Variants in DPP9 observed in about 807,000 individuals in gnomAD.
The protein encoded by DPP9 is dipeptidyl peptidase 9, also known as dipeptidyl peptidase IV-related protein-2.
A neutral mutation model predicts 110.7 loss-of-function variants in DPP9; 50 were observed. The observed-to-expected ratio is 0.45, with a 90% CI of 0.36 to 0.57. DPP9 has a LOEUF of 0.57. Ranked by LOEUF, DPP9 falls within the 20% of genes least tolerant of loss-of-function variation. The probability of loss-of-function intolerance (pLI) is 0.00; values close to 1 mark genes in which losing one functional copy is unlikely to be tolerated. For missense variants in DPP9, 1,022 were observed against 1,217.9 expected, an observed-to-expected ratio of 0.84 and a Z score of 2.39; for synonymous variants, 561 against 514.4, an observed-to-expected ratio of 1.09 and a Z score of -1.23.
chr19:4,699,052 G>T (rs1232983124), intron 10 of DPP9, among the ~76,000 whole-genome samples: 1 of 151,322 alleles, frequency 6.6e-6, no homozygotes, highest in Non-Finnish European at 1.5e-5. Context: ...CCAGCTACTC[G>T]GGAGGCTGAG....
In DPP9 at chr19:4,683,169, G is replaced by A. The variant is rs973301747; in HGVS notation, c.2331+308C>T. Reference sequence around the variant, plus strand: ...GCCGCCGGCCTGGGGCCCCCCCGCCGCTCTGCACACCATGCCCCACCTCTG... The same window carrying A: ...GCCGCCGGCCTGGGGCCCCCCCGCCACTCTGCACACCATGCCCCACCTCTG... On this transcript the variant is annotated intron_variant, in intron 19 of 21. Transcript: ENST00000262960. 1.9e-5 allele frequency: 27 copies of A among 1,441,426 alleles called. No individual in the cohort carries two copies. In the Admixed American group the frequency reaches 3.7e-4, roughly 19 times the overall value. The allele number at this position is 1,441,426 out of a possible 1,614,324, so 89.3% of individuals were successfully genotyped here.
intron 1 of DPP9, among the ~76,000 whole-genome samples, chr19:4,723,086 C>A (rs1180366235): frequency 6.6e-6 from 1 of 151,710 alleles, no homozygotes; most frequent in Non-Finnish European, 1.5e-5. Context: ...ACTACACCAC[C>A]AACGCCTCGG....
Position 4,685,692 on chromosome 19 carries a change from G to A in DPP9, c.1965C>T (p.Tyr655=). Residue 655 remains tyrosine, a synonymous_variant, in exon 17 of 22, where the codon TAC becomes TAT. Coordinates refer to ENST00000262960, the MANE Select transcript of DPP9 (RefSeq NM_139159.5). This position sits in a 1 kb window ranked among gnomAD's most constrained non-coding sequence, Gnocchi z 5.8. ...RSDVRLYGMI[Y]KPHALQPGKK... ...TCCCTGGCTGCAAGGCGTGGGGCTT[G>A]TAGATCATGCCGTAGAGCCGCACAT... 4 of 1,613,458 alleles carry A rather than the reference G, an allele frequency of 2.5e-6. No homozygotes were observed. Among genetic ancestry groups the A allele is most frequent in the Non-Finnish European group, 3.4e-6 (4 of 1,179,806 alleles).
chr19:4,723,788 C>T lies in DPP9; in HGVS notation c.-203G>A, dbSNP rs2093426713. 1 of 154,398 alleles carries T rather than the reference C, an allele frequency of 6.5e-6. No individual in the cohort carries two copies. Among genetic ancestry groups the T allele is most frequent in the African/African-American group, 2.4e-5 (1 of 41,618 alleles). 9.6% of individuals were successfully genotyped at this position (154,398 alleles called of 1,614,324 possible). On this transcript the variant is annotated 5_prime_UTR_variant, in exon 1 of 22. Transcript: ENST00000262960. ...CGGAAGTGGCGGGAGCGGGGGACGA[C>T]AGCCGCGGCGGACACAGGGGACCCG...
chr19:4,679,705 G>C (rs2089526082), intron 21 of DPP9, 130 bp downstream of exon 21: 1 of 686,942 alleles, frequency 1.5e-6, no homozygotes, highest in Non-Finnish European at 2.5e-6. Flanking sequence ...CTGTGGGGTG[G>C]GGGGCTGGGA....
At position 4,687,313 on chromosome 19, in the gene DPP9, G is replaced by A. The variant is rs945940124; in HGVS notation, c.1885+1444C>T. 3.9e-5 allele frequency among the ~76,000 whole-genome samples: 6 copies of A among 152,244 alleles called. No individual in the cohort carries two copies. Among genetic ancestry groups the A allele is most frequent in the African/African-American group, 1.4e-4 (6 of 41,472 alleles). Reference sequence around the variant, plus strand: ...TCTGGAAACCCACCAACATGGCAGAGACAGGGCCAGGGTGGGTTGTCCTTG... The same window carrying A: ...TCTGGAAACCCACCAACATGGCAGAAACAGGGCCAGGGTGGGTTGTCCTTG... On this transcript the variant is annotated intron_variant, in intron 16 of 21. Transcript: ENST00000262960. The surrounding 1 kb of genome is among the most constrained non-coding windows in gnomAD (Gnocchi z 4.7).
At chr19:4,712,935 A>C (rs2092902447) in intron 4 of DPP9, among the ~76,000 whole-genome samples, 1 of 152,184 alleles carries the variant, frequency 6.6e-6, no homozygotes, top group African/African-American at 2.4e-5. Context: ...GGGCTGCAGC[A>C]CACGCGGGCC....
rs373425668 is a variant in DPP9 at position 4,682,735 on chromosome 19, G to C, written c.2435C>G (p.Ala812Gly). The C allele has an allele frequency of 9.3e-6, 15 of 1,608,622 alleles. No individual in the cohort carries two copies. The highest frequency in any genetic ancestry group is 1.3e-5 in the African/African-American group (1 of 74,876). Reference sequence around the variant, plus strand: ...CTCCACGTGCAGGGCCACGGAACCCGCCTCATAGCCGTGCTGGTTGTTCTC... The same window carrying C: ...CTCCACGTGCAGGGCCACGGAACCCCCCTCATAGCCGTGCTGGTTGTTCTC... ...VPENNQHGYEAGSVALHVEKL... is the reference protein window; with the variant it reads ...VPENNQHGYEGGSVALHVEKL... Residue 812 changes from alanine to glycine, a missense_variant, in exon 20 of 22, where the codon GCG becomes GGG. Transcript: ENST00000262960. This position sits in a 1 kb window ranked among gnomAD's most constrained non-coding sequence, Gnocchi z 7.1.
At chr19:4,713,260 C>T (rs563223241) in intron 4 of DPP9, among the ~76,000 whole-genome samples, 10 of 152,358 alleles carry the variant, frequency 6.6e-5, no homozygotes, top group African/African-American at 2.4e-4. Context: ...ACAGGCCTGG[C>T]TGATCTCTCC....
rs552528054 is a variant in DPP9 at position 4,685,896 on chromosome 19, C to T, written c.1886-125G>A. The T allele has an allele frequency of 2.5e-5, 29 of 1,163,646 alleles. 1 individual carries two copies. The East Asian group carries it at 3.0e-4, about 12-fold the overall frequency. 72.1% of individuals were successfully genotyped at this position (1,163,646 alleles called of 1,614,324 possible). On this transcript the variant is annotated intron_variant, in intron 16 of 21. Coordinates refer to ENST00000262960, the MANE Select transcript of DPP9 (RefSeq NM_139159.5). The surrounding 1 kb of genome is among the most constrained non-coding windows in gnomAD (Gnocchi z 5.8). ...GCACCCCCTCTTTTCCTGGGCTTCC[C>T]GAGAGTTGATAATTGAAAAAAACGT...
intron 4 of DPP9, among the ~76,000 whole-genome samples, chr19:4,711,620 A>C (rs1352496095): frequency 1.3e-5 from 2 of 151,934 alleles, no homozygotes; most frequent in Non-Finnish European, 2.9e-5. Context: ...TAAAAATACA[A>C]AAATTAGCTG....
chr19:4,692,372 G>A (rs1388833678), intron 13 of DPP9, among the ~76,000 whole-genome samples: 1 of 152,262 alleles, frequency 6.6e-6, no homozygotes, highest in Middle Eastern at 3.4e-3. Flanking sequence ...GCACGGGAGG[G>A]CAGATGTGGT....
At chr19:4,696,815 T>C (rs778583840) in intron 11 of DPP9, among the ~76,000 whole-genome samples, 1 of 152,054 alleles carries the variant, frequency 6.6e-6, no homozygotes, top group Non-Finnish European at 1.5e-5. Context: ...AATGTACATA[T>C]GGCAGCAGCA....
intron 1 of DPP9, 104 bp from the exon 2 acceptor site, chr19:4,722,655 A>G: frequency 1.5e-6 from 1 of 682,466 alleles, no homozygotes; most frequent in Non-Finnish European, 2.7e-6. Context: ...GCCCGATTCT[A>G]CCTGGCTAGA....
At chr19:4,713,786 C>T (rs2092944263) in intron 4 of DPP9, among the ~76,000 whole-genome samples, 1 of 152,170 alleles carries the variant, frequency 6.6e-6, no homozygotes, top group Non-Finnish European at 1.5e-5. Context: ...AATCTCCGGG[C>T]TTGGAGCCAC....
chr19:4,719,823 G>T (rs565357949), intron 3 of DPP9, 28 bp downstream of exon 3: 2 of 1,551,486 alleles, frequency 1.3e-6, no homozygotes, highest in Middle Eastern at 1.7e-4. Flanking sequence ...ACATCCTCAC[G>T]GATCAGGGCC....
chr19:4,703,601 A>G (rs1159577482), intron 7 of DPP9, among the ~76,000 whole-genome samples: 1 of 151,628 alleles, frequency 6.6e-6, no homozygotes, highest in African/African-American at 2.4e-5. Context: ...ATACCACTGC[A>G]GTCCACCTGG....
intron 4 of DPP9, among the ~76,000 whole-genome samples, chr19:4,712,400 A>C (rs1225154253): frequency 6.6e-6 from 1 of 151,950 alleles, no homozygotes; most frequent in African/African-American, 2.4e-5. Flanking sequence ...AATACAAAAA[A>C]TTGTCTGGGC....
In DPP9 at chr19:4,704,222, G is replaced by A; in HGVS notation, c.509C>T (p.Ser170Phe). 6.2e-7 allele frequency: 1 copy of A among 1,614,044 alleles called. No individual in the cohort carries two copies. Among genetic ancestry groups the A allele is most frequent in the Non-Finnish European group, 8.5e-7 (1 of 1,179,906 alleles). ...GCCACTCTCGCTGTGGAAGTCGTAGGAGGTGATGCCGAAGACCCCCAGGCG... is the reference window on the plus strand; with the variant it reads ...GCCACTCTCGCTGTGGAAGTCGTAGAAGGTGATGCCGAAGACCCCCAGGCG... Reference protein sequence around the residue: ...RKRLGVFGITSYDFHSESGLF... With the variant: ...RKRLGVFGITFYDFHSESGLF... Residue 170 changes from serine to phenylalanine, a missense_variant, in exon 6 of 22, where the codon TCC becomes TTC. Physicochemically the swap from Ser to Phe is radical, Grantham distance 155. Transcript: ENST00000262960. This position sits in a 1 kb window ranked among gnomAD's most constrained non-coding sequence, Gnocchi z 6.0.
Sources: allele counts gnomAD v4.1 joint callset (sites outside exome capture counted in the v4.1 genomes callset), GRCh38; gene constraint gnomAD v4.1.1; non-coding constraint Gnocchi (gnomAD v3.1); transcripts MANE v1.5; gene names NCBI Gene and HGNC (gene_info 2026-07-23, HGNC 2026-07-21).